Variants in CD226 observed in about 807,000 individuals in gnomAD.
CD226 encodes CD226 antigen.
Under a neutral mutation model 34.9 loss-of-function variants are expected in CD226, and 24 were observed. That is an observed-to-expected ratio of 0.69 (90% CI 0.50 to 0.97). The LOEUF (loss-of-function observed/expected upper bound fraction) is 0.97, where lower values mean the gene tolerates loss of function less well. Ranked by LOEUF, CD226 falls within the 50% of genes least tolerant of loss-of-function variation. The pLI, the probability that CD226 is intolerant of heterozygous loss-of-function variation, is 0.00. For missense variants in CD226, 397 were observed against 412.7 expected (o/e 0.96, Z 0.33); for synonymous variants, 148 against 147.4 (o/e 1.00, Z -0.03).
rs367712243 is a variant in CD226, at chr18:69,923,871, A to G, written c.382+22863T>C. Among the ~76,000 whole-genome samples the G allele has an allele frequency of 9.3e-3, 1,410 of 151,582 alleles. 16 individuals are homozygous for G. The highest frequency in any genetic ancestry group is 0.027 in the African/African-American group (1,113 of 41,302). On this transcript the variant is annotated intron_variant, in intron 2 of 5. Coordinates refer to ENST00000582621, the MANE Select transcript of CD226 (RefSeq NM_001303618.2). ...TGGGAGGCTGAGGCAGGAGAATGGC[A>G]TGAACCCAGGAGGCGGAGCTTGCAG...
In CD226 at chr18:69,910,573, A is replaced by G. The variant is rs531426481; in HGVS notation, c.383-14528T>C. ...GAAACTGGGGAGAAGTGGCAACTCA[A>G]TGCAATGTGGTGGCCTGGTGGAGGA... On this transcript the variant is annotated intron_variant, in intron 2 of 5. Coordinates refer to ENST00000582621, the MANE Select transcript of CD226 (RefSeq NM_001303618.2). 1.4e-4 allele frequency among the ~76,000 whole-genome samples: 22 copies of G among 152,300 alleles called. 1 individual carries two copies. The highest frequency in any genetic ancestry group is 3.4e-3 in the Middle Eastern group (1 of 294).
chr18:69,929,212 G>A (rs2055560045), intron 2 of CD226, among the ~76,000 whole-genome samples: 1 of 152,238 alleles, frequency 6.6e-6, no homozygotes, highest in African/African-American at 2.4e-5. Flanking sequence ...ATGTGCATAT[G>A]AGTGTTTCTG....
At chr18:69,901,600 C>G (rs1788110) in intron 2 of CD226, among the ~76,000 whole-genome samples, 44,449 of 151,856 alleles carry the variant, frequency 0.29, 6,730 homozygotes, top group Middle Eastern at 0.49. Flanking sequence ...TTTATTTGTG[C>G]CCGGGCACAG....
intron 5 of CD226, among the ~76,000 whole-genome samples, chr18:69,866,592 C>T (rs79145499): frequency 0.031 from 4,683 of 152,272 alleles, 114 homozygotes; most frequent in South Asian, 0.044. Context: ...GTGCTTGCTA[C>T]GCTTCTGGTT....
chr18:69,939,678 A>G (rs2145352459), intron 2 of CD226, among the ~76,000 whole-genome samples: 1 of 152,356 alleles, frequency 6.6e-6, no homozygotes. Flanking sequence ...TCATTTTCCA[A>G]AACAGGTATG....
At chr18:69,950,317 C>T (rs572660394), upstream of CD226, among the ~76,000 whole-genome samples, 8 of 152,292 alleles carry the variant, frequency 5.3e-5, no homozygotes, top group South Asian at 4.1e-4. Context: ...ACAGAGTGTA[C>T]GGCCAAAGTC....
At chr18:69,890,942 T>TA (rs542619547) in intron 3 of CD226, among the ~76,000 whole-genome samples, 2 of 128,464 alleles carry the variant, frequency 1.6e-5, no homozygotes, top group African/African-American at 6.2e-5. Flanking sequence ...AATTCTTTTT[T>TA]AAAAAAAGAA....
intron 2 of CD226, among the ~76,000 whole-genome samples, chr18:69,920,861 G>A (rs954009716): frequency 6.6e-6 from 1 of 152,192 alleles, no homozygotes; most frequent in Non-Finnish European, 1.5e-5. Flanking sequence ...TACCCAAATA[G>A]TAGATGAATA....
intron 3 of CD226, 147 bp from the exon 4 acceptor site, chr18:69,873,393 AAG>A: frequency 1.9e-6 from 1 of 534,986 alleles, no homozygotes. Flanking sequence ...TTACAGGAAA[AAG>A]AGAATTTTTC....
At chr18:69,929,281 C>T (rs980728174) in intron 2 of CD226, among the ~76,000 whole-genome samples, 1 of 152,146 alleles carries the variant, frequency 6.6e-6, no homozygotes, top group Non-Finnish European at 1.5e-5. Context: ...TGTTTGCAAA[C>T]TGTGGTGTGG....
At chr18:69,927,569 C>G (rs2055538532) in intron 2 of CD226, among the ~76,000 whole-genome samples, 1 of 152,118 alleles carries the variant, frequency 6.6e-6, no homozygotes, top group Non-Finnish European at 1.5e-5. Flanking sequence ...AACTACCATT[C>G]CACTTTCTGA....
chr18:69,892,386 A>AG (rs1358759165), intron 3 of CD226, among the ~76,000 whole-genome samples: 1 of 152,230 alleles, frequency 6.6e-6, no homozygotes, highest in Non-Finnish European at 1.5e-5. Flanking sequence ...GAGGATGTTA[A>AG]GGGCCAAAAA....
chr18:69,961,034 T>A (rs960027188), upstream of CD226, among the ~76,000 whole-genome samples: 1 of 152,222 alleles, frequency 6.6e-6, no homozygotes, highest in Non-Finnish European at 1.5e-5. Flanking sequence ...GTGATCCACC[T>A]AGAGAACATG....
chr18:69,911,654 T>G (rs2055326864), intron 2 of CD226, among the ~76,000 whole-genome samples: 1 of 152,142 alleles, frequency 6.6e-6, no homozygotes, highest in African/African-American at 2.4e-5. Context: ...GAGGCCAGAA[T>G]TCTCAACTCT....
intron 3 of CD226, among the ~76,000 whole-genome samples, chr18:69,891,742 C>T (rs1984916656): frequency 6.6e-6 from 1 of 152,056 alleles, no homozygotes; most frequent in South Asian, 2.1e-4. Flanking sequence ...TCCCCAATAA[C>T]AATAAAAGGA....
intron 2 of CD226, among the ~76,000 whole-genome samples, chr18:69,926,705 C>T (rs1283352075): frequency 6.6e-6 from 1 of 152,124 alleles, no homozygotes; most frequent in East Asian, 1.9e-4. Context: ...TTCCATGTGC[C>T]AAGTATTATA....
chr18:69,873,488 A>G (rs1206533976), intron 3 of CD226, among the ~76,000 whole-genome samples: 2 of 152,014 alleles, frequency 1.3e-5, no homozygotes, highest in Non-Finnish European at 1.5e-5. Flanking sequence ...CATTACAAAA[A>G]AAAAAAATAT....
intron 2 of CD226, among the ~76,000 whole-genome samples, chr18:69,903,893 C>T (rs1473351349): frequency 6.6e-6 from 1 of 152,130 alleles, no homozygotes; most frequent in Non-Finnish European, 1.5e-5. Context: ...AGCTCTAGGA[C>T]ACTAATAGGG....
At chr18:69,886,454 C>G (rs532035878) in intron 3 of CD226, among the ~76,000 whole-genome samples, 6 of 152,208 alleles carry the variant, frequency 3.9e-5, no homozygotes, top group African/African-American at 1.4e-4. Context: ...GTCTGCAATC[C>G]CGGCACTTTG....
Sources: gnomAD v4.1 joint callset for allele counts (sites outside exome capture counted in the v4.1 genomes callset) on GRCh38, gnomAD v4.1.1 for gene constraint, MANE v1.5 for transcripts, NCBI Gene and HGNC (gene_info 2026-07-23, HGNC 2026-07-21) for gene names.